TSPEAR: variants seen among roughly 807,000 people sequenced by gnomAD.
TSPEAR encodes the protein thrombospondin-type laminin G domain and EAR repeat-containing protein.
Under a neutral mutation model 71.6 loss-of-function variants are expected in TSPEAR, and 69 were observed. The ratio of observed to expected loss-of-function variants is 0.96; its 90% CI spans 0.79 to 1.18. The LOEUF is 1.18. TSPEAR is among the 50% of genes most tolerant of loss of function. The probability of loss-of-function intolerance (pLI) is 0.00; values close to 1 mark genes in which losing one functional copy is unlikely to be tolerated. For synonymous variants in TSPEAR, 402 were observed against 387.2 expected (o/e 1.04, Z -0.45); for missense variants, 971 against 894.9 (o/e 1.09, Z -1.09).
chr21:44,665,674 A>T (rs587770479), intron 1 of TSPEAR, among the ~76,000 whole-genome samples: 4 of 152,278 alleles, frequency 2.6e-5, no homozygotes, highest in African/African-American at 9.6e-5. Flanking sequence ...TGATGTTCTC[A>T]TTTCTATGTC....
At chr21:44,537,960 C>T (rs951625422) in intron 2 of TSPEAR, among the ~76,000 whole-genome samples, 2 of 152,206 alleles carry the variant, frequency 1.3e-5, no homozygotes, top group African/African-American at 4.8e-5. Context: ...GCCGGGGTCA[C>T]GCGGGGTCCC....
intron 1 of TSPEAR, chr21:44,591,685 T>G: frequency 1.9e-6 from 3 of 1,575,816 alleles, no homozygotes; most frequent in Middle Eastern, 3.4e-4. Context: ...GCAGGCGTGC[T>G]GGCAGGGGGA....
chr21:44,501,682 T>C (rs2052033810), intron 11 of TSPEAR, among the ~76,000 whole-genome samples: 1 of 152,180 alleles, frequency 6.6e-6, no homozygotes, highest in African/African-American at 2.4e-5. Flanking sequence ...GGAGGATTGC[T>C]TGAGCCTGGG....
chr21:44,672,349 T>C (rs1986095135), intron 1 of TSPEAR, among the ~76,000 whole-genome samples: 2 of 152,274 alleles, frequency 1.3e-5, no homozygotes. Flanking sequence ...GGCGGGCGGA[T>C]CACAAGGTCA....
chr21:44,693,672 C>CA (rs1555950050), intron 1 of TSPEAR, among the ~76,000 whole-genome samples: 1,703 of 151,650 alleles, frequency 0.011, 28 homozygotes, highest in African/African-American at 0.039. Flanking sequence ...AGGAAAATAA[C>CA]AAGTGTTGGC....
At chr21:44,689,266 G>A (rs1382179592) in intron 1 of TSPEAR, among the ~76,000 whole-genome samples, 2 of 152,186 alleles carry the variant, frequency 1.3e-5, no homozygotes, top group Non-Finnish European at 2.9e-5. Flanking sequence ...ACTTTGGGAG[G>A]CCGAGGCGGG....
chr21:44,669,376 T>G (rs1985946492), intron 1 of TSPEAR, among the ~76,000 whole-genome samples: 1 of 151,992 alleles, frequency 6.6e-6, no homozygotes, highest in Non-Finnish European at 1.5e-5. Context: ...TGAGGTGAGA[T>G]TGCACCACTG....
At chr21:44,558,939 T>G (rs1601415951) in intron 2 of TSPEAR, among the ~76,000 whole-genome samples, 1 of 152,120 alleles carries the variant, frequency 6.6e-6, no homozygotes, top group African/African-American at 2.4e-5. Context: ...TTTGTGGATG[T>G]TCTGGTTTGT....
At chr21:44,701,690 C>A (rs906723649) in intron 1 of TSPEAR, among the ~76,000 whole-genome samples, 1 of 151,708 alleles carries the variant, frequency 6.6e-6, no homozygotes, top group Non-Finnish European at 1.5e-5. Context: ...AGTGCTTCCA[C>A]TGATCTGGCA....
chr21:44,662,642 C>T (rs1373044484), intron 1 of TSPEAR, among the ~76,000 whole-genome samples: 6 of 152,220 alleles, frequency 3.9e-5, no homozygotes, highest in African/African-American at 7.2e-5. Context: ...TGACAGAACA[C>T]TCCACCCAAC....
chr21:44,646,124 C>CA (rs55672014), intron 1 of TSPEAR, among the ~76,000 whole-genome samples: 2,364 of 31,212 alleles, frequency 0.076, 622 homozygotes, highest in East Asian at 0.27. Context: ...GACTCCCTCT[C>CA]AAAAAAAAAA....
chr21:44,562,846 G>T (rs1236078612), intron 2 of TSPEAR, among the ~76,000 whole-genome samples: 2 of 152,192 alleles, frequency 1.3e-5, no homozygotes, highest in African/African-American at 4.8e-5. Context: ...ACCTGCAGAT[G>T]CATCTTACGA....
chr21:44,613,498 C>G (rs1287780209), intron 1 of TSPEAR, among the ~76,000 whole-genome samples: 1 of 152,164 alleles, frequency 6.6e-6, no homozygotes, highest in East Asian at 1.9e-4. Flanking sequence ...CCTGGGAGAG[C>G]CCACCCTACA....
chr21:44,537,784 G>A (rs1307432572), intron 2 of TSPEAR, among the ~76,000 whole-genome samples: 1 of 152,144 alleles, frequency 6.6e-6, no homozygotes, highest in African/African-American at 2.4e-5. Flanking sequence ...ATGGACAGAG[G>A]ATCCCCAGCC....
In TSPEAR at chr21:44,652,256, G is replaced by T. The variant is rs587711017; in HGVS notation, c.82+59177C>A. On this transcript the variant is annotated intron_variant, in intron 1 of 11. Transcript: ENST00000323084. ...CCTCGGCCTCCCAGAGTGCTGGGAT[G>T]ACAGGCGTGAGCCACCGCACCGGGC... Among the ~76,000 whole-genome samples the T allele has an allele frequency of 3.3e-5, 5 of 152,288 alleles. No individual in the cohort carries two copies. The South Asian group carries it at 6.2e-4, about 19-fold the overall frequency.
rs781950542 is a variant in TSPEAR, at chr21:44,692,898, C to CA, written c.82+18534dup. ...ATGGATTATAGGAACTCAGAATAGC[C>CA]AAAACAATCTTGAAAAAGAGGGACA... On this transcript the variant is annotated intron_variant, in intron 1 of 11. Transcript: ENST00000323084. 2.4e-4 allele frequency among the ~76,000 whole-genome samples: 36 copies of CA among 151,704 alleles called. No individual in the cohort carries two copies. The East Asian group carries it at 2.9e-3, about 12-fold the overall frequency.
intron 1 of TSPEAR, among the ~76,000 whole-genome samples, chr21:44,572,881 ACACACG>A (rs1364614148): frequency 6.0e-5 from 8 of 134,284 alleles, no homozygotes; most frequent in Admixed American, 3.8e-4. Context: ...ACACACACAC[ACACACG>A]GAGAAGCTGT....
At chr21:44,697,535 ACTGT>A (rs1341261893) in intron 1 of TSPEAR, 3 of 1,601,840 alleles carry the variant, frequency 1.9e-6, no homozygotes, top group Non-Finnish European at 2.6e-6. Context: ...CTGCTGCAAG[ACTGT>A]CTGCTGCAAG....
rs782152073 is a variant in TSPEAR at position 44,666,748 on chromosome 21, G to A, written c.82+44685C>T. 5.6e-5 allele frequency: 91 copies of A among 1,613,954 alleles called. 2 individuals are homozygous for A. The South Asian group carries it at 9.2e-4, about 16-fold the overall frequency. On this transcript the variant is annotated intron_variant, in intron 1 of 11. Transcript: ENST00000323084. Reference sequence around the variant, plus strand: ...CACACGGCTGGCTTGAAGCTCACGGGCACACACACGGAGGACTGGCAGCCC... The same window carrying A: ...CACACGGCTGGCTTGAAGCTCACGGACACACACACGGAGGACTGGCAGCCC...
Sources: allele counts gnomAD v4.1 joint callset (sites outside exome capture counted in the v4.1 genomes callset), GRCh38; gene constraint gnomAD v4.1.1; transcripts MANE v1.5; gene names NCBI Gene and HGNC (gene_info 2026-07-23, HGNC 2026-07-21).